The following FGF12 variants were observed in gnomAD, a reference collection of about 807,000 sequenced individuals.
The protein encoded by FGF12 is fibroblast growth factor 12B.
In FGF12, 14 loss-of-function variants were observed where a neutral mutation model predicts 23.6. That is an observed-to-expected ratio of 0.59 (90% CI 0.39 to 0.93). The LOEUF (loss-of-function observed/expected upper bound fraction) is 0.93. FGF12 is among the 40% of genes least tolerant of loss of function. The pLI is 0.00. For missense variants in FGF12, 175 were observed against 217.8 expected, an observed-to-expected ratio of 0.80 and a Z score of 1.24; for synonymous variants, 62 against 77.3, an observed-to-expected ratio of 0.80 and a Z score of 1.04.
intron 2 of FGF12, among the ~76,000 whole-genome samples, chr3:192,449,065 TC>T (rs1722445538): frequency 6.6e-6 from 1 of 152,192 alleles, no homozygotes; most frequent in African/African-American, 2.4e-5. Context: ...CAAATCTCAT[TC>T]AGTCCTTCCG....
At chr3:192,242,007 C>G (rs762970069) in intron 4 of FGF12, among the ~76,000 whole-genome samples, 4 of 152,024 alleles carry the variant, frequency 2.6e-5, no homozygotes, top group Non-Finnish European at 4.4e-5. Flanking sequence ...TGGGGTACAG[C>G]TGAGGCAGTG....
At chr3:192,288,779 C>T (rs184419051) in intron 4 of FGF12, among the ~76,000 whole-genome samples, 18 of 152,148 alleles carry the variant, frequency 1.2e-4, no homozygotes, top group Admixed American at 1.1e-3. Flanking sequence ...AACATGGGAC[C>T]TGGTTATAAA....
intron 2 of FGF12, among the ~76,000 whole-genome samples, chr3:192,636,122 T>A (rs1285646954): frequency 6.6e-6 from 1 of 152,210 alleles, no homozygotes; most frequent in African/African-American, 2.4e-5. Context: ...ATCCTTGATG[T>A]ACTGAGACCT....
At chr3:192,559,430 A>G (rs1711921012) in intron 2 of FGF12, among the ~76,000 whole-genome samples, 1 of 151,954 alleles carries the variant, frequency 6.6e-6, no homozygotes, top group Admixed American at 6.6e-5. Flanking sequence ...AGGGGTAAAC[A>G]GGTAGAACAC....
intron 2 of FGF12, among the ~76,000 whole-genome samples, chr3:192,425,603 G>T (rs36125525): frequency 0.35 from 53,761 of 152,056 alleles, 9,702 homozygotes; most frequent in Admixed American, 0.44. Flanking sequence ...AACAGTGTTT[G>T]GAGAGTGTTA....
At chr3:192,566,645 T>A (rs969491417) in intron 2 of FGF12, among the ~76,000 whole-genome samples, 8 of 152,188 alleles carry the variant, frequency 5.3e-5, no homozygotes, top group African/African-American at 1.9e-4. Flanking sequence ...TCCCAGTCTT[T>A]TAATCTCTAG....
intron 4 of FGF12, among the ~76,000 whole-genome samples, chr3:192,222,990 T>C (rs962374100): frequency 6.6e-6 from 1 of 152,162 alleles, no homozygotes; most frequent in African/African-American, 2.4e-5. Flanking sequence ...TTGCACGTAT[T>C]CCGCACTGCA....
chr3:192,659,776 G>A (rs895724790), intron 2 of FGF12, among the ~76,000 whole-genome samples: 4 of 152,090 alleles, frequency 2.6e-5, no homozygotes, highest in African/African-American at 9.7e-5. Context: ...GTGTAAAAGT[G>A]TTCCTATTTC....
intron 4 of FGF12, among the ~76,000 whole-genome samples, chr3:192,265,041 T>C (rs1712993133): frequency 1.3e-5 from 2 of 152,228 alleles, no homozygotes; most frequent in Admixed American, 1.3e-4. Flanking sequence ...CTTCAGGGAC[T>C]TTTTCATATT....
chr3:192,654,326 T>A (rs1716317899), intron 2 of FGF12, among the ~76,000 whole-genome samples: 1 of 152,150 alleles, frequency 6.6e-6, no homozygotes, highest in Admixed American at 6.5e-5. Flanking sequence ...CAGCAGAATT[T>A]TTTTGAGATA....
At chr3:192,159,660 T>C (rs1012695438) in intron 5 of FGF12, among the ~76,000 whole-genome samples, 4 of 152,184 alleles carry the variant, frequency 2.6e-5, no homozygotes, top group Non-Finnish European at 5.9e-5. Flanking sequence ...TGAAAAGTAG[T>C]CATAGAACCT....
At chr3:192,578,965 C>T (rs1334812186) in intron 2 of FGF12, among the ~76,000 whole-genome samples, 2 of 152,200 alleles carry the variant, frequency 1.3e-5, no homozygotes, top group Non-Finnish European at 2.9e-5. Context: ...AATTGAAGAC[C>T]TCCCACGCTG....
chr3:192,315,353 T>C (rs1716174810), intron 4 of FGF12, among the ~76,000 whole-genome samples: 1 of 152,206 alleles, frequency 6.6e-6, no homozygotes, highest in South Asian at 2.1e-4. Context: ...GAATGACTTG[T>C]TTCTGCTTCT....
At chr3:192,275,852 T>C (rs759894426) in intron 4 of FGF12, among the ~76,000 whole-genome samples, 5 of 152,180 alleles carry the variant, frequency 3.3e-5, no homozygotes, top group African/African-American at 7.2e-5. Flanking sequence ...TTGACCACAT[T>C]GTTCAGATAA....
At chr3:192,303,925 G>A (rs1050621700) in intron 4 of FGF12, among the ~76,000 whole-genome samples, 2 of 152,160 alleles carry the variant, frequency 1.3e-5, no homozygotes, top group Non-Finnish European at 2.9e-5. Flanking sequence ...TAGAGAAACA[G>A]CATTTAATAT....
intron 2 of FGF12, among the ~76,000 whole-genome samples, chr3:192,405,995 T>C (rs1412744967): frequency 6.6e-6 from 1 of 152,214 alleles, no homozygotes; most frequent in East Asian, 1.9e-4. Context: ...GCCAGATTGT[T>C]ATTTTGACAC....
At chr3:192,188,174 G>A (rs905902588) in intron 4 of FGF12, among the ~76,000 whole-genome samples, 1 of 152,082 alleles carries the variant, frequency 6.6e-6, no homozygotes, top group Admixed American at 6.5e-5. Flanking sequence ...ATGAAATCTA[G>A]AATTCAAAGA....
intron 4 of FGF12, among the ~76,000 whole-genome samples, chr3:192,239,960 A>G (rs1348486047): frequency 6.6e-6 from 1 of 152,204 alleles, no homozygotes; most frequent in African/African-American, 2.4e-5. Context: ...AAAAAGTTGT[A>G]TTAGACACTA....
At chr3:192,603,405 G>A (rs977069111) in intron 2 of FGF12, among the ~76,000 whole-genome samples, 1 of 152,068 alleles carries the variant, frequency 6.6e-6, no homozygotes, top group Non-Finnish European at 1.5e-5. Context: ...CAAGCTGAGA[G>A]CCAAATCAAG....
Sources: gnomAD v4.1 joint callset for allele counts (sites outside exome capture counted in the v4.1 genomes callset) on GRCh38, gnomAD v4.1.1 for gene constraint, MANE v1.5 for transcripts, NCBI Gene and HGNC (gene_info 2026-07-23, HGNC 2026-07-21) for gene names.